ACOXL: variants seen among roughly 807,000 people sequenced by gnomAD.
ACOXL encodes acyl-coenzyme A oxidase-like protein.
Under a neutral mutation model 71.9 loss-of-function variants are expected in ACOXL, and 70 were observed. That is an observed-to-expected ratio of 0.97 (90% CI 0.80 to 1.19). The LOEUF is 1.19. Among genes scored for constraint, ACOXL ranks in the 50% most tolerant of loss-of-function variants. ACOXL has a pLI of 0.00. For synonymous variants in ACOXL, 253 were observed against 281.6 expected (o/e 0.90, Z 1.02); for missense variants, 703 against 736.3 (o/e 0.95, Z 0.52).
At chr2:111,077,852 T>A (rs1415936754) in intron 16 of ACOXL, among the ~76,000 whole-genome samples, 2 of 152,226 alleles carry the variant, frequency 1.3e-5, no homozygotes, top group Non-Finnish European at 2.9e-5. Context: ...TCTTTGTTTT[T>A]AGATTCCAGA....
At chr2:110,924,558 T>G (rs1356712409) in intron 11 of ACOXL, among the ~76,000 whole-genome samples, 1 of 152,196 alleles carries the variant, frequency 6.6e-6, no homozygotes, top group Non-Finnish European at 1.5e-5. Flanking sequence ...ACCACTTTCT[T>G]TGCTCCTTCA....
intron 11 of ACOXL, among the ~76,000 whole-genome samples, chr2:110,923,319 C>CT (rs796735467): frequency 2.6e-5 from 4 of 151,500 alleles, no homozygotes; most frequent in Non-Finnish European, 5.9e-5. Context: ...TTTTCTTTTT[C>CT]TTTTTTTTTC....
intron 12 of ACOXL, among the ~76,000 whole-genome samples, chr2:110,958,843 G>A (rs180869595): frequency 6.6e-6 from 1 of 152,238 alleles, no homozygotes; most frequent in Non-Finnish European, 1.5e-5. Context: ...GTTCTCATCT[G>A]TCAGCTGTTG....
rs149475307 is a variant in ACOXL, at chr2:110,744,628, C to A, written c.-23+11854C>A. Among the ~76,000 whole-genome samples the A allele has an allele frequency of 1.0e-3, 159 of 152,276 alleles. 1 individual carries two copies. The highest frequency in any genetic ancestry group is 3.7e-3 in the African/African-American group (152 of 41,538). ...CACTTCACACTCCTCCCACACTTTG[C>A]CATAGGACCTATCTTGTAAACCCTG... On this transcript the variant is annotated intron_variant, in intron 1 of 17. Coordinates refer to ENST00000439055, the MANE Select transcript of ACOXL (RefSeq NM_001142807.4).
At chr2:110,806,487 A>G (rs1204882625) in intron 9 of ACOXL, among the ~76,000 whole-genome samples, 1 of 152,212 alleles carries the variant, frequency 6.6e-6, no homozygotes, top group Non-Finnish European at 1.5e-5. Flanking sequence ...CAGAGTGCCG[A>G]GGAAAACTGG....
chr2:110,756,988 C>A (rs1413612260), intron 1 of ACOXL, among the ~76,000 whole-genome samples: 1 of 152,008 alleles, frequency 6.6e-6, no homozygotes, highest in Non-Finnish European at 1.5e-5. Context: ...CTGTACAGAT[C>A]ATCTCATCAT....
chr2:110,991,294 C>G (rs760575377), intron 13 of ACOXL, among the ~76,000 whole-genome samples: 3 of 152,006 alleles, frequency 2.0e-5, no homozygotes, highest in Non-Finnish European at 4.4e-5. Context: ...ATGCTTTCTC[C>G]TTTCTTTGTT....
intron 10 of ACOXL, among the ~76,000 whole-genome samples, chr2:110,847,709 T>C (rs1175977042): frequency 6.6e-6 from 1 of 152,174 alleles, no homozygotes; most frequent in African/African-American, 2.4e-5. Context: ...ATGGGAGTTA[T>C]AGTCACCGGC....
At chr2:110,893,649 T>C (rs1433684584) in intron 10 of ACOXL, among the ~76,000 whole-genome samples, 1 of 152,168 alleles carries the variant, frequency 6.6e-6, no homozygotes, top group African/African-American at 2.4e-5. Context: ...CCTTCAAGTA[T>C]AGTTAATGAC....
intron 17 of ACOXL, among the ~76,000 whole-genome samples, chr2:111,105,301 T>C (rs1287723245): frequency 5.9e-5 from 9 of 152,184 alleles, no homozygotes; most frequent in Admixed American, 5.9e-4. Context: ...AAAATCACTT[T>C]AGCTATTCTA....
chr2:110,998,180 A>G (rs145474795), intron 14 of ACOXL, among the ~76,000 whole-genome samples: 1 of 152,222 alleles, frequency 6.6e-6, no homozygotes, highest in Non-Finnish European at 1.5e-5. Flanking sequence ...AAGTAAAAAC[A>G]TACTGAATTT....
chr2:110,873,906 A>T (rs1023584148), intron 10 of ACOXL, among the ~76,000 whole-genome samples: 6 of 152,196 alleles, frequency 3.9e-5, no homozygotes, highest in Admixed American at 1.3e-4. Context: ...TCACCAGTGT[A>T]TGAGGCTGAG....
chr2:110,833,856 T>C (rs1690139370), intron 9 of ACOXL, among the ~76,000 whole-genome samples: 1 of 152,186 alleles, frequency 6.6e-6, no homozygotes, highest in South Asian at 2.1e-4. Context: ...AGTGTTTTCC[T>C]GTCTTTCTTT....
intron 11 of ACOXL, among the ~76,000 whole-genome samples, chr2:110,932,907 A>G (rs1479426897): frequency 2.6e-5 from 4 of 152,220 alleles, no homozygotes; most frequent in Admixed American, 2.6e-4. Context: ...GTGCAGGGTG[A>G]CAGTTTTGAC....
At position 111,057,781 on chromosome 2, in the gene ACOXL, G is replaced by A. The variant is rs146990201; in HGVS notation, c.1440+8493G>A. Among the ~76,000 whole-genome samples the A allele has an allele frequency of 1.7e-3, 264 of 152,370 alleles. 1 individual carries two copies. Among genetic ancestry groups the A allele is most frequent in the Admixed American group, 5.3e-3 (81 of 15,312 alleles). ...GCCCGACTGCCTAAGAGGAGCATATGAGCGCACAGATGGCAGCAGTATATG... is the reference window on the plus strand; with the variant it reads ...GCCCGACTGCCTAAGAGGAGCATATAAGCGCACAGATGGCAGCAGTATATG... On this transcript the variant is annotated intron_variant, in intron 16 of 17. Transcript: ENST00000439055.
intron 15 of ACOXL, among the ~76,000 whole-genome samples, chr2:111,034,391 G>A (rs2065414709): frequency 6.6e-6 from 1 of 152,212 alleles, no homozygotes; most frequent in Non-Finnish European, 1.5e-5. Flanking sequence ...AATGAAACAG[G>A]TTAAGTCTGA....
intron 12 of ACOXL, among the ~76,000 whole-genome samples, chr2:110,954,576 A>G (rs928299959): frequency 2.0e-5 from 3 of 152,190 alleles, no homozygotes; most frequent in African/African-American, 7.2e-5. Context: ...CTTTTCTCCC[A>G]ATAATAGAAG....
At chr2:111,090,381 C>A (rs183740696) in intron 16 of ACOXL, among the ~76,000 whole-genome samples, 18 of 152,216 alleles carry the variant, frequency 1.2e-4, no homozygotes, top group Non-Finnish European at 2.6e-4. Flanking sequence ...ATTTCAGGTA[C>A]TGTTTGGGGG....
intron 12 of ACOXL, among the ~76,000 whole-genome samples, chr2:110,939,911 A>G (rs1037753363): frequency 3.3e-5 from 5 of 152,250 alleles, no homozygotes; most frequent in African/African-American, 1.2e-4. Flanking sequence ...AATGTAAATG[A>G]TGATTGGTAT....
Sources: gnomAD v4.1 joint callset for allele counts (sites outside exome capture counted in the v4.1 genomes callset) on GRCh38, gnomAD v4.1.1 for gene constraint, MANE v1.5 for transcripts, NCBI Gene and HGNC (gene_info 2026-07-23, HGNC 2026-07-21) for gene names.